The following FAM107B variants were observed in gnomAD, a reference collection of about 807,000 sequenced individuals.
The protein encoded by FAM107B is protein FAM107B.
FAM107B carries 21 observed loss-of-function variants against 31.5 expected under a neutral mutation model. The observed-to-expected ratio is 0.67, with a 90% confidence interval of 0.47 to 0.96. The LOEUF (loss-of-function observed/expected upper bound fraction) is 0.96, where lower values mean the gene tolerates loss of function less well. Ranked by LOEUF, FAM107B falls within the 40% of genes least tolerant of loss-of-function variation. The pLI is 0.00. For missense variants in FAM107B, 452 were observed against 377.1 expected, an observed-to-expected ratio of 1.20 and a Z score of -1.64; for synonymous variants, 157 against 141.5, an observed-to-expected ratio of 1.11 and a Z score of -0.78.
intron 2 of FAM107B, among the ~76,000 whole-genome samples, chr10:14,578,155 T>C (rs1296212700): frequency 6.6e-6 from 1 of 152,186 alleles, no homozygotes; most frequent in Non-Finnish European, 1.5e-5. Flanking sequence ...CCAAGCAGAA[T>C]GAGCAACTAC....
intron 1 of FAM107B, among the ~76,000 whole-genome samples, chr10:14,728,397 T>TGGGCTC (rs1856086585): frequency 6.6e-6 from 1 of 151,384 alleles, no homozygotes; most frequent in Non-Finnish European, 1.5e-5. Flanking sequence ...TTTTTGAAAA[T>TGGGCTC]AAAGCCAGTG....
intron 1 of FAM107B, among the ~76,000 whole-genome samples, chr10:14,706,259 A>G (rs1855516697): frequency 6.6e-6 from 1 of 152,134 alleles, no homozygotes; most frequent in Non-Finnish European, 1.5e-5. Context: ...CCCAGGTGGG[A>G]GTACCGTGGT....
intron 2 of FAM107B, among the ~76,000 whole-genome samples, chr10:14,600,215 C>G (rs1564594886): frequency 1.3e-5 from 2 of 152,216 alleles, no homozygotes; most frequent in African/African-American, 4.8e-5. Context: ...CAGGCCAGCT[C>G]AGGACACCAC....
chr10:14,602,613 A>T (rs1852435950), intron 2 of FAM107B: 1 of 152,242 alleles, frequency 6.6e-6, no homozygotes, highest in African/African-American at 2.4e-5. Flanking sequence ...TTCCACAAAC[A>T]AGAATTCCTT....
chr10:14,557,165 A>G (rs1242243502), intron 2 of FAM107B, among the ~76,000 whole-genome samples: 80 of 152,268 alleles, frequency 5.3e-4, no homozygotes, highest in Non-Finnish European at 2.4e-4. Flanking sequence ...CTCTGTCCTA[A>G]GCTTGTTTCC....
intron 2 of FAM107B, among the ~76,000 whole-genome samples, chr10:14,602,249 A>C (rs754339610): frequency 2.0e-5 from 3 of 152,230 alleles, no homozygotes; most frequent in Non-Finnish European, 2.9e-5. Context: ...GAACTGCAAC[A>C]AAAATGCACC....
At position 14,767,437 on chromosome 10, in the gene FAM107B, C is replaced by G. The variant is rs1053554867; in HGVS notation, c.411+6816G>C. Among the ~76,000 whole-genome samples the G allele has an allele frequency of 2.6e-5, 4 of 151,756 alleles. No homozygotes were observed. In the East Asian group the frequency reaches 7.8e-4, roughly 29 times the overall value. On this transcript the variant is annotated intron_variant, in intron 1 of 4. Coordinates refer to ENST00000181796, the MANE Select transcript of FAM107B (RefSeq NM_031453.4). ...AGATCCTCAACAAAATACTAGCAAA[C>G]AGAAAACTGCAGCATATTAAAAAGA...
chr10:14,662,714 T>C (rs146479251), intron 2 of FAM107B, among the ~76,000 whole-genome samples: 1 of 152,228 alleles, frequency 6.6e-6, no homozygotes, highest in African/African-American at 2.4e-5. Flanking sequence ...GGTGACACAG[T>C]GCACCAATGT....
intron 2 of FAM107B, among the ~76,000 whole-genome samples, chr10:14,603,288 T>C (rs965840319): frequency 3.9e-5 from 6 of 152,294 alleles, no homozygotes; most frequent in Admixed American, 3.3e-4. Flanking sequence ...TAGGAAAACG[T>C]GGCTGGAGGA....
In FAM107B at chr10:14,530,282, GA is replaced by G. The variant is rs1564528216; in HGVS notation, c.653+49del. The G allele has an allele frequency of 8.6e-6, 13 of 1,518,794 alleles. No individual in the cohort carries two copies. The South Asian group carries it at 1.6e-4, about 19-fold the overall frequency. 94.1% of individuals were successfully genotyped at this position (1,518,794 alleles called of 1,614,324 possible). On this transcript the variant is annotated intron_variant, in intron 3 of 4. Coordinates refer to ENST00000181796, the MANE Select transcript of FAM107B (RefSeq NM_031453.4). Reference sequence around the variant, plus strand: ...AAATACAATTAAAATTAGATATCATGATCTTAAAAGTCCTCTTAAAAAAAAA... The same window carrying G: ...AAATACAATTAAAATTAGATATCATGTCTTAAAAGTCCTCTTAAAAAAAAA...
intron 2 of FAM107B, among the ~76,000 whole-genome samples, chr10:14,531,539 G>GAAAAAAA (rs59782461): frequency 1.7e-5 from 2 of 120,684 alleles, no homozygotes; most frequent in Non-Finnish European, 3.5e-5. Context: ...TAAAAGAAAA[G>GAAAAAAA]AAAAAAAAAA....
At chr10:14,671,310 G>A (rs1854534961) in intron 1 of FAM107B, among the ~76,000 whole-genome samples, 1 of 152,188 alleles carries the variant, frequency 6.6e-6, no homozygotes, top group Non-Finnish European at 1.5e-5. Context: ...CAGACAATTT[G>A]AAAAGGCTCG....
chr10:14,583,493 G>GC (rs1851722132), intron 2 of FAM107B, among the ~76,000 whole-genome samples: 1 of 152,072 alleles, frequency 6.6e-6, no homozygotes, highest in Admixed American at 6.5e-5. Flanking sequence ...ACTCACCTCC[G>GC]CCCTTCTAGA....
chr10:14,585,755 G>T (rs1851803095), intron 2 of FAM107B, among the ~76,000 whole-genome samples: 3 of 152,178 alleles, frequency 2.0e-5, no homozygotes, highest in Admixed American at 2.0e-4. Flanking sequence ...ACAGAACCTT[G>T]TGTGGTCAAA....
At chr10:14,639,190 T>C (rs1218074688) in intron 2 of FAM107B, among the ~76,000 whole-genome samples, 1 of 152,084 alleles carries the variant, frequency 6.6e-6, no homozygotes, top group Non-Finnish European at 1.5e-5. Context: ...CAACACCCTG[T>C]TTCCAAAATA....
chr10:14,739,325 T>C (rs1392533994), intron 1 of FAM107B, among the ~76,000 whole-genome samples: 2 of 152,140 alleles, frequency 1.3e-5, no homozygotes, highest in African/African-American at 2.4e-5. Flanking sequence ...TTTGGAGAAA[T>C]TGGAATGATC....
chr10:14,607,912 C>A (rs1852633138), intron 2 of FAM107B, among the ~76,000 whole-genome samples: 1 of 152,188 alleles, frequency 6.6e-6, no homozygotes, highest in Non-Finnish European at 1.5e-5. Flanking sequence ...AGAGCAGCAA[C>A]CTACAGGGTC....
chr10:14,642,763 T>C (rs1056925845), intron 2 of FAM107B, among the ~76,000 whole-genome samples: 2 of 152,240 alleles, frequency 1.3e-5, no homozygotes, highest in Non-Finnish European at 2.9e-5. Context: ...TTCAACACTT[T>C]GCTTAGAAAA....
Position 14,646,789 on chromosome 10 carries a change from CT to C in FAM107B, c.469+20844del, listed in dbSNP as rs369557470. On this transcript the variant is annotated intron_variant, in intron 2 of 4. Coordinates refer to ENST00000181796, the MANE Select transcript of FAM107B (RefSeq NM_031453.4). ...GTACTGATTTACCTTCCATTTTCTC[CT>C]TTTTTTTTTTTTTTTTTTTTTGAGA... Among the ~76,000 whole-genome samples the C allele has an allele frequency of 5.2e-4, 45 of 86,760 alleles. 1 individual carries two copies. The East Asian group carries it at 7.6e-3, about 15-fold the overall frequency. The allele number at this position is 86,760 out of a possible 152,430, so 56.9% of individuals were successfully genotyped here. A position where few individuals can be genotyped will look rare whatever the true frequency, so the allele number is the denominator to read the frequency against.
Sources: gnomAD v4.1 joint callset for allele counts (sites outside exome capture counted in the v4.1 genomes callset) on GRCh38, gnomAD v4.1.1 for gene constraint, MANE v1.5 for transcripts, NCBI Gene and HGNC (gene_info 2026-07-23, HGNC 2026-07-21) for gene names.